The following DCAF6 variants were observed in gnomAD, a reference collection of about 807,000 sequenced individuals.
DCAF6 encodes the protein DDB1- and CUL4-associated factor 6.
In DCAF6, 54 loss-of-function variants were observed where a neutral mutation model predicts 125.1. The observed-to-expected ratio is 0.43, with a 90% CI of 0.35 to 0.54. The LOEUF is 0.54. Ranked by LOEUF, DCAF6 falls within the 20% of genes least tolerant of loss-of-function variation. The pLI, the probability that DCAF6 is intolerant of heterozygous loss-of-function variation, is 0.01. For missense variants in DCAF6, 934 were observed against 1,161.7 expected (o/e 0.80, Z 2.85); for synonymous variants, 371 against 390.4 (o/e 0.95, Z 0.58).
At position 167,991,339 on chromosome 1, in the gene DCAF6, G is replaced by A. The variant is rs1413785208; in HGVS notation, c.688G>A (p.Gly230Arg). 1 of 1,604,966 alleles carries A rather than the reference G, an allele frequency of 6.2e-7. No homozygotes were observed. Among genetic ancestry groups the A allele is most frequent in the African/African-American group, 1.3e-5 (1 of 74,436 alleles). The stretch of plus-strand genomic sequence containing the variant: ...GCGAATGCTGGGCACAAGAGCTACA[G>A]GTAAGAAGATAATATTAGAGAAAAT... The part of the protein sequence containing the change: ...DRRMLGTRAT[G>R]NYAGRGTTGM... The change falls in exon 6 of 22, where the codon GGG becomes AGG. Residue 230 changes from glycine (G) to arginine (R), a missense_variant and splice_region_variant. By Grantham distance (125) the Gly-to-Arg change is moderately radical (BLOSUM62 -2). This residue lies in a region of DCAF6 where 309 missense variants were observed against 381.2 expected (regional missense o/e 0.81). Coordinates refer to ENST00000367840, the MANE Select transcript of DCAF6 (RefSeq NM_001198956.2).
intron 1 of DCAF6, among the ~76,000 whole-genome samples, chr1:167,941,566 CTG>C (rs898090640): frequency 4.1e-4 from 62 of 151,964 alleles, no homozygotes; most frequent in Non-Finnish European, 5.4e-4. Flanking sequence ...GGGATGCATT[CTG>C]TTTTTTTTCA....
Position 168,045,095 on chromosome 1 carries a change from A to G in DCAF6, c.2126A>G (p.Gln709Arg). ...AACACCAATCCTGAGCCTCAGTTCC[A>G]AACAGAAGCCACTGGGCCTTCAGCT... is the stretch of plus-strand genomic sequence containing the variant. The part of the protein sequence containing the change: ...ENNTNPEPQF[Q>R]TEATGPSAHE... Residue 709 changes from glutamine to arginine, a missense_variant, in exon 16 of 22, where the codon CAA (glutamine) becomes CGA (arginine). By Grantham distance (43) the Gln-to-Arg change is conservative. This residue lies in a region of DCAF6 where 559 missense variants were observed against 635.5 expected (regional missense o/e 0.88). Coordinates refer to ENST00000367840, the MANE Select transcript of DCAF6 (RefSeq NM_001198956.2). The G allele has an allele frequency of 1.2e-6, 2 of 1,614,058 alleles. No homozygotes were observed. The highest frequency in any genetic ancestry group is 1.7e-6 in the Non-Finnish European group (2 of 1,179,960).
intron 21 of DCAF6, among the ~76,000 whole-genome samples, chr1:168,071,843 C>T (rs1195063845): frequency 2.0e-5 from 3 of 152,194 alleles, no homozygotes; most frequent in African/African-American, 7.2e-5. Context: ...CTCAGTCCAC[C>T]TTTTTTTCTA....
At chr1:168,037,157 T>C (rs1687935871) in intron 12 of DCAF6, among the ~76,000 whole-genome samples, 1 of 147,560 alleles carries the variant, frequency 6.8e-6, no homozygotes, top group African/African-American at 2.5e-5. Context: ...CTCGAACTCC[T>C]GGGCTTAAGG....
intron 7 of DCAF6, among the ~76,000 whole-genome samples, chr1:167,997,877 A>AT (rs1343105059): frequency 6.6e-6 from 1 of 152,166 alleles, no homozygotes; most frequent in Non-Finnish European, 1.5e-5. Flanking sequence ...TATAATAGAA[A>AT]TGGCAATAAG....
At chr1:168,028,158 A>C in intron 12 of DCAF6, among the ~76,000 whole-genome samples, 1 of 152,110 alleles carries the variant, frequency 6.6e-6, no homozygotes, top group East Asian at 1.9e-4. Flanking sequence ...TTTCCTTTTT[A>C]TCTCTCTACT....
At chr1:168,064,633 T>G (rs1421835751) in intron 18 of DCAF6, among the ~76,000 whole-genome samples, 1 of 152,196 alleles carries the variant, frequency 6.6e-6, no homozygotes, top group African/African-American at 2.4e-5. Context: ...CCAATTTATA[T>G]TTCTTGCATT....
chr1:168,065,864 C>A (rs1219098790), intron 19 of DCAF6, 118 bp downstream of exon 19: 2 of 967,870 alleles, frequency 2.1e-6, no homozygotes, highest in Admixed American at 5.9e-5. Context: ...TCTGACTAGG[C>A]AGCAGTAGAG....
chr1:167,897,997 C>CAAAAAAAAAA, the DCAF6 span, among the ~76,000 whole-genome samples: 3 of 17,390 alleles, frequency 1.7e-4, no homozygotes, highest in African/African-American at 9.3e-4. Flanking sequence ...GACTCTGTCT[C>CAAAAAAAAAA]AAAAAAAAAA....
the DCAF6 span, among the ~76,000 whole-genome samples, chr1:167,930,567 C>T: frequency 9.2e-5 from 14 of 152,232 alleles, no homozygotes; most frequent in African/African-American, 3.4e-4. Context: ...TAAGAGAATA[C>T]CAAATTATAG....
chr1:167,887,239 A>G, the DCAF6 span, among the ~76,000 whole-genome samples: 2 of 152,228 alleles, frequency 1.3e-5, no homozygotes, highest in Non-Finnish European at 2.9e-5. Context: ...ATAAAGACAC[A>G]TGCACATGTA....
chr1:167,948,538 T>A (rs993621805), intron 1 of DCAF6, among the ~76,000 whole-genome samples: 1 of 152,222 alleles, frequency 6.6e-6, no homozygotes, highest in African/African-American at 2.4e-5. Flanking sequence ...GATAGGTATG[T>A]GAATAAATAA....
chr1:167,997,645 A>G (rs1043798069), intron 7 of DCAF6, among the ~76,000 whole-genome samples: 1 of 150,858 alleles, frequency 6.6e-6, no homozygotes, highest in Non-Finnish European at 1.5e-5. Flanking sequence ...AATTTTCAGG[A>G]AAAAAAAATC....
intron 2 of DCAF6, among the ~76,000 whole-genome samples, chr1:167,954,984 A>G (rs549989828): frequency 3.3e-5 from 5 of 152,210 alleles, no homozygotes; most frequent in East Asian, 3.9e-4. Context: ...ATCAGTTTGC[A>G]TTTTCTAGAA....
chr1:168,028,775 A>C (rs750877433), intron 12 of DCAF6, among the ~76,000 whole-genome samples: 1 of 152,152 alleles, frequency 6.6e-6, no homozygotes, highest in Non-Finnish European at 1.5e-5. Flanking sequence ...CCAAATTGAA[A>C]TTTCATTTTA....
intron 2 of DCAF6, among the ~76,000 whole-genome samples, chr1:167,960,300 T>C (rs1272540651): frequency 1.3e-5 from 2 of 151,884 alleles, no homozygotes; most frequent in South Asian, 4.2e-4. Flanking sequence ...ATTATTTATT[T>C]ATTTATTTAT....
At chr1:167,942,702 A>C (rs1672441690) in intron 1 of DCAF6, among the ~76,000 whole-genome samples, 1 of 152,072 alleles carries the variant, frequency 6.6e-6, no homozygotes, top group Admixed American at 6.5e-5. Context: ...ATTTCGAGTT[A>C]AGTTTTACAT....
At chr1:167,888,175 CT>C in the DCAF6 span, among the ~76,000 whole-genome samples, 1 of 152,172 alleles carries the variant, frequency 6.6e-6, no homozygotes, top group South Asian at 2.1e-4. Context: ...ATTTGGGTTG[CT>C]ATAGCTGTGG....
chr1:168,002,366 A>G, intron 7 of DCAF6, 116 bp from the exon 8 acceptor site: 1 of 818,698 alleles, frequency 1.2e-6, no homozygotes. Flanking sequence ...ATGTAGATCT[A>G]ATTTGCATAC....
Sources: gnomAD v4.1 joint callset for allele counts (sites outside exome capture counted in the v4.1 genomes callset) on GRCh38, gnomAD v4.1.1 for gene constraint, gnomAD v4.1.1 regional missense constraint, MANE v1.5 for transcripts, NCBI Gene and HGNC (gene_info 2026-07-23, HGNC 2026-07-21) for gene names.